The following FAM118A variants were observed in gnomAD, a reference collection of about 807,000 sequenced individuals.
FAM118A encodes the protein SIR2 antiphage like 2.
A neutral mutation model predicts 38.2 loss-of-function variants in FAM118A; 25 were observed. The ratio of observed to expected loss-of-function variants is 0.65; its 90% CI spans 0.48 to 0.91. FAM118A has a LOEUF of 0.91. FAM118A is among the 40% of genes least tolerant of loss of function. The probability of loss-of-function intolerance (pLI) is 0.00; values close to 1 mark genes in which losing one functional copy is unlikely to be tolerated. For synonymous variants in FAM118A, 178 were observed against 184.1 expected, an observed-to-expected ratio of 0.97 and a Z score of 0.27; for missense variants, 425 against 463.3, an observed-to-expected ratio of 0.92 and a Z score of 0.76.
intron 3 of FAM118A, 127 bp from the exon 4 acceptor site, chr22:45,327,715 C>G: frequency 1.1e-6 from 1 of 918,118 alleles, no homozygotes; most frequent in South Asian, 1.6e-5. Context: ...TTGCGGCGCA[C>G]GCTGTGAAGC....
intron 1 of FAM118A, among the ~76,000 whole-genome samples, chr22:45,311,265 GCA>G (rs1452140289): frequency 6.6e-6 from 1 of 152,228 alleles, no homozygotes; most frequent in Non-Finnish European, 1.5e-5. Context: ...GGCTGCCACG[GCA>G]CACAGTGTTG....
chr22:45,334,014 T>C (rs117831193), intron 6 of FAM118A, among the ~76,000 whole-genome samples: 1 of 152,360 alleles, frequency 6.6e-6, no homozygotes, highest in East Asian at 1.9e-4. Context: ...TGTGTCCTAT[T>C]ACTGCAGTTG....
intron 1 of FAM118A, 35 bp downstream of exon 1, chr22:45,310,218 C>T (rs553562300): frequency 6.6e-6 from 1 of 152,096 alleles, no homozygotes; most frequent in African/African-American, 2.4e-5. Flanking sequence ...GTCCCTGCAT[C>T]CGGAGCCCCT....
intron 6 of FAM118A, chr22:45,335,121 A>G (rs2085993276): frequency 1.8e-6 from 1 of 545,196 alleles, no homozygotes; most frequent in East Asian, 3.0e-5. Flanking sequence ...GATCGCGGAC[A>G]CCACACCATG....
intron 3 of FAM118A, among the ~76,000 whole-genome samples, chr22:45,323,827 G>C (rs566845026): frequency 1.3e-5 from 2 of 152,354 alleles, no homozygotes; most frequent in Non-Finnish European, 2.9e-5. Context: ...GAAGATGGGA[G>C]AAGTTCCAGC....
At chr22:45,330,461 G>GGT in intron 4 of FAM118A, 142 bp from the exon 5 acceptor site, 2 of 912,424 alleles carry the variant, frequency 2.2e-6, no homozygotes, top group South Asian at 5.7e-5. Context: ...AGGTTTTGAA[G>GGT]GTATAAGTGT....
chr22:45,337,676 C>T (rs1453495267), intron 8 of FAM118A, among the ~76,000 whole-genome samples: 2 of 152,036 alleles, frequency 1.3e-5, no homozygotes, highest in Non-Finnish European at 1.5e-5. Flanking sequence ...TGGTCGGCTC[C>T]GCTGGGGACT....
chr22:45,312,742 C>T (rs79055), intron 1 of FAM118A, among the ~76,000 whole-genome samples: 64,767 of 151,956 alleles, frequency 0.43, 17,082 homozygotes, highest in Non-Finnish European at 0.6. Context: ...TGAAAGATAT[C>T]GCAAAGGACA....
chr22:45,337,518 C>A (rs1326234692), intron 8 of FAM118A, among the ~76,000 whole-genome samples: 1 of 152,012 alleles, frequency 6.6e-6, no homozygotes, highest in Non-Finnish European at 1.5e-5. Context: ...GTTCTTCTTT[C>A]CCCTTTGTGT....
At chr22:45,322,819 G>A (rs964397312) in intron 2 of FAM118A, among the ~76,000 whole-genome samples, 2 of 152,162 alleles carry the variant, frequency 1.3e-5, no homozygotes, top group South Asian at 2.1e-4. Flanking sequence ...TGTCTTATCC[G>A]TCACTGCAAG....
At position 45,332,420 on chromosome 22, in the gene FAM118A, T is replaced by G. The variant is rs768982908; in HGVS notation, c.652-5T>G. Reference sequence around the variant, plus strand: ...GCACTCAATTTCTTCATTGGCCTTTTCTAGGAAGTCCTCCAGAACTTATAC... The same window carrying G: ...GCACTCAATTTCTTCATTGGCCTTTGCTAGGAAGTCCTCCAGAACTTATAC... On this transcript the variant is annotated splice_polypyrimidine_tract_variant and splice_region_variant and intron_variant, in intron 5 of 8. Transcript: ENST00000441876. 1 of 1,605,962 alleles carries G rather than the reference T, an allele frequency of 6.2e-7. No individual in the cohort carries two copies. Among genetic ancestry groups the G allele is most frequent in the Non-Finnish European group, 8.5e-7 (1 of 1,176,570 alleles).
chr22:45,313,933 A>G (rs1243755675), intron 1 of FAM118A, among the ~76,000 whole-genome samples: 1 of 152,224 alleles, frequency 6.6e-6, no homozygotes, highest in Admixed American at 6.5e-5. Flanking sequence ...AGTAGGAAGC[A>G]CACTGTTCCA....
At chr22:45,335,215 C>A in intron 6 of FAM118A, 135 bp from the exon 7 acceptor site, 1 of 874,794 alleles carries the variant, frequency 1.1e-6, no homozygotes, top group Non-Finnish European at 1.8e-6. Flanking sequence ...GCGCAGGAGT[C>A]CGCAGCCCGC....
intron 1 of FAM118A, among the ~76,000 whole-genome samples, chr22:45,314,597 C>A (rs1045752484): frequency 4.6e-5 from 7 of 152,192 alleles, no homozygotes; most frequent in African/African-American, 1.4e-4. Context: ...TTCATGTAAC[C>A]TTTAAGATCC....
chr22:45,330,813 T>G (rs1005533115), intron 5 of FAM118A, 82 bp downstream of exon 5: 1 of 1,396,436 alleles, frequency 7.2e-7, no homozygotes, highest in Admixed American at 2.9e-5. Context: ...GTTGAGTGGC[T>G]TCCCAGGCTC....
intron 1 of FAM118A, among the ~76,000 whole-genome samples, chr22:45,316,907 C>A (rs760058769): frequency 6.6e-6 from 1 of 152,096 alleles, no homozygotes; most frequent in Non-Finnish European, 1.5e-5. Flanking sequence ...GGTGAGCATT[C>A]GGAAACTTTG....
chr22:45,330,788 T>C, intron 5 of FAM118A, 57 bp downstream of exon 5: 1 of 1,430,900 alleles, frequency 7.0e-7, no homozygotes, highest in Non-Finnish European at 9.2e-7. Context: ...TGGTGGCCAC[T>C]GGCCATTGGC....
At chr22:45,336,697 G>C (rs1569157737) in intron 8 of FAM118A, among the ~76,000 whole-genome samples, 1 of 152,176 alleles carries the variant, frequency 6.6e-6, no homozygotes, top group Non-Finnish European at 1.5e-5. Flanking sequence ...TCTCCAAAAA[G>C]AAAAGTTAAA....
chr22:45,310,361 C>T (rs2084308899), intron 1 of FAM118A, among the ~76,000 whole-genome samples, 178 bp downstream of exon 1: 1 of 151,906 alleles, frequency 6.6e-6, no homozygotes, highest in Non-Finnish European at 1.5e-5. Context: ...CCGCGAACCC[C>T]GAAACTCCAA....
Sources: allele counts gnomAD v4.1 joint callset (sites outside exome capture counted in the v4.1 genomes callset), GRCh38; gene constraint gnomAD v4.1.1; transcripts MANE v1.5; gene names NCBI Gene and HGNC (gene_info 2026-07-23, HGNC 2026-07-21).